Variants in ZNF143 observed in about 807,000 individuals in gnomAD.
The protein encoded by ZNF143 is SPH-binding factor.
Under a neutral mutation model 74.1 loss-of-function variants are expected in ZNF143, and 49 were observed. The observed-to-expected ratio is 0.66, with a 90% CI of 0.53 to 0.84. The LOEUF (loss-of-function observed/expected upper bound fraction) is 0.84. Ranked by LOEUF, ZNF143 falls within the 40% of genes least tolerant of loss-of-function variation. The probability of loss-of-function intolerance (pLI) is 0.00; values close to 1 mark genes in which losing one functional copy is unlikely to be tolerated. For synonymous variants in ZNF143, 304 were observed against 282.8 expected, an observed-to-expected ratio of 1.07 and a Z score of -0.75; for missense variants, 637 against 793.4, an observed-to-expected ratio of 0.80 and a Z score of 2.37.
At chr11:9,497,846 T>C in intron 10 of ZNF143, 46 bp downstream of exon 10, 1 of 1,407,940 alleles carries the variant, frequency 7.1e-7, no homozygotes, top group Non-Finnish European at 9.5e-7. Context: ...TTTTTTTTTT[T>C]TTGAGACGGA....
intron 13 of ZNF143, among the ~76,000 whole-genome samples, chr11:9,515,733 A>G (rs1453489631): frequency 6.6e-6 from 1 of 151,892 alleles, no homozygotes; most frequent in East Asian, 1.9e-4. Flanking sequence ...TAATCCCAGC[A>G]CTTTTGGGAG....
chr11:9,477,929 G>A (rs1413583253), intron 5 of ZNF143, among the ~76,000 whole-genome samples: 2 of 152,156 alleles, frequency 1.3e-5, no homozygotes, highest in African/African-American at 4.8e-5. Flanking sequence ...AGGTTCAAGT[G>A]AGTCTCCTGC....
intron 1 of ZNF143, among the ~76,000 whole-genome samples, chr11:9,462,436 T>C (rs754726714): frequency 1.3e-5 from 2 of 152,042 alleles, no homozygotes; most frequent in Non-Finnish European, 2.9e-5. Context: ...AATCAGCGTG[T>C]GCCTGTAGTC....
intron 14 of ZNF143, among the ~76,000 whole-genome samples, chr11:9,520,059 C>T (rs1462052438): frequency 1.0e-5 from 1 of 95,392 alleles, no homozygotes; most frequent in African/African-American, 5.2e-5. Flanking sequence ...TTTTTTGAGA[C>T]GGAATCTCCC....
chr11:9,481,890 A>G (rs1355796767), intron 7 of ZNF143, among the ~76,000 whole-genome samples: 1 of 151,542 alleles, frequency 6.6e-6, no homozygotes, highest in African/African-American at 2.4e-5. Flanking sequence ...TGTCTCAAAA[A>G]AAAAAAAAAA....
At chr11:9,493,571 C>T (rs1847858130) in intron 7 of ZNF143, among the ~76,000 whole-genome samples, 1 of 152,070 alleles carries the variant, frequency 6.6e-6, no homozygotes, top group Non-Finnish European at 1.5e-5. Flanking sequence ...ATATTCTTGT[C>T]ATCTAATGCA....
Position 9,503,175 on chromosome 11 carries a change from A to G in ZNF143, c.1147+1905A>G, listed in dbSNP as rs539677565. Reference sequence around the variant, plus strand: ...TCAACCATGTTGTAGCAACTTTTAAATTCTTTCTTTTTTCAGTAACTGAAT... The same window carrying G: ...TCAACCATGTTGTAGCAACTTTTAAGTTCTTTCTTTTTTCAGTAACTGAAT... On this transcript the variant is annotated intron_variant, in intron 11 of 15. Transcript: ENST00000396602. 5.3e-5 allele frequency among the ~76,000 whole-genome samples: 8 copies of G among 152,282 alleles called. No individual in the cohort carries two copies. In the East Asian group the frequency reaches 7.7e-4, roughly 15 times the overall value.
intron 7 of ZNF143, among the ~76,000 whole-genome samples, chr11:9,490,574 G>A (rs6486394): frequency 0.61 from 92,776 of 151,590 alleles, 28,875 homozygotes; most frequent in Non-Finnish European, 0.67. Context: ...GACGTGAGCT[G>A]CCGTGCCTGG....
intron 7 of ZNF143, among the ~76,000 whole-genome samples, chr11:9,493,233 A>G (rs185064266): frequency 1.4e-3 from 207 of 151,964 alleles, no homozygotes; most frequent in African/African-American, 4.4e-3. Flanking sequence ...CACCATGCCC[A>G]GCTAATTTTT....
chr11:9,491,029 G>C (rs1335958339), intron 7 of ZNF143, among the ~76,000 whole-genome samples: 1 of 152,162 alleles, frequency 6.6e-6, no homozygotes, highest in Non-Finnish European at 1.5e-5. Flanking sequence ...CACTGCACTT[G>C]GCCTAAGAAA....
chr11:9,501,366 TTC>T, intron 11 of ZNF143, 96 bp downstream of exon 11: 1 of 1,387,318 alleles, frequency 7.2e-7, no homozygotes, highest in South Asian at 1.3e-5. Context: ...CTTCCCTCCT[TTC>T]TATCACTTGG....
intron 14 of ZNF143, among the ~76,000 whole-genome samples, chr11:9,521,486 A>G (rs1848925107): frequency 6.6e-6 from 1 of 151,978 alleles, no homozygotes; most frequent in South Asian, 2.1e-4. Flanking sequence ...TAAGATTGGT[A>G]TTATTTCTCC....
chr11:9,483,750 C>CT lies in ZNF143; in HGVS notation c.645+4222dup, dbSNP rs753979043. On this transcript the variant is annotated intron_variant, in intron 7 of 15. Transcript: ENST00000396602. Reference sequence around the variant, plus strand: ...TGAACCAATTTGCCCGGCCGGAATTCTTTTTTTTTTTTTTTTTTGAGATGG... The same window carrying CT: ...TGAACCAATTTGCCCGGCCGGAATTCTTTTTTTTTTTTTTTTTTTGAGATGG... 9.8e-3 allele frequency among the ~76,000 whole-genome samples: 1,220 copies of CT among 124,830 alleles called. 20 individuals carry two copies. Among genetic ancestry groups the CT allele is most frequent in the Middle Eastern group, 0.022 (5 of 224 alleles). 81.9% of individuals were successfully genotyped at this position (124,830 alleles called of 152,430 possible). A position where few individuals can be genotyped will look rare whatever the true frequency, so the allele number is the denominator to read the frequency against.
At chr11:9,484,303 C>T (rs2085020) in intron 7 of ZNF143, among the ~76,000 whole-genome samples, 21,794 of 151,188 alleles carry the variant, frequency 0.14, 2,110 homozygotes, top group African/African-American at 0.18. Flanking sequence ...AACTGATTCA[C>T]CTGCCTCAGC....
chr11:9,489,028 A>G (rs929958307), intron 7 of ZNF143, among the ~76,000 whole-genome samples: 12 of 152,248 alleles, frequency 7.9e-5, no homozygotes, highest in Non-Finnish European at 1.5e-4. Context: ...GCATTGAGGT[A>G]AAAGCCAGAA....
At chr11:9,516,412 A>G in intron 14 of ZNF143, 50 bp downstream of exon 14, 1 of 1,500,980 alleles carries the variant, frequency 6.7e-7, no homozygotes, top group East Asian at 2.4e-5. Context: ...CAGTACCAAA[A>G]CAGTTACATA....
intron 11 of ZNF143, among the ~76,000 whole-genome samples, chr11:9,503,430 A>T (rs1043761204): frequency 6.6e-6 from 1 of 152,218 alleles, no homozygotes; most frequent in Non-Finnish European, 1.5e-5. Flanking sequence ...AGGAACTTCC[A>T]AACTGTTCTC....
chr11:9,498,511 A>T (rs1034362107), intron 10 of ZNF143, among the ~76,000 whole-genome samples: 2 of 152,154 alleles, frequency 1.3e-5, no homozygotes, highest in Non-Finnish European at 2.9e-5. Context: ...AGCAAGAAAG[A>T]TTCATTACTT....
At chr11:9,469,215 CTTTTTTTTTTT>C (rs33968880) in intron 1 of ZNF143, among the ~76,000 whole-genome samples, 1 of 97,464 alleles carries the variant, frequency 1.0e-5, no homozygotes, top group African/African-American at 3.9e-5. Flanking sequence ...CAGCAGGGGT[CTTTTTTTTTTT>C]TTTTTTTTTT....
Sources: allele counts gnomAD v4.1 joint callset (sites outside exome capture counted in the v4.1 genomes callset), GRCh38; gene constraint gnomAD v4.1.1; transcripts MANE v1.5; gene names NCBI Gene and HGNC (gene_info 2026-07-23, HGNC 2026-07-21).